CTC1: variants seen among roughly 807,000 people sequenced by gnomAD.
CTC1 encodes CST complex subunit CTC1.
Under a neutral mutation model 136.3 loss-of-function variants are expected in CTC1, and 91 were observed. The observed-to-expected ratio is 0.67, with a 90% CI of 0.56 to 0.79. CTC1 has a LOEUF of 0.79. Among genes scored for constraint, CTC1 ranks in the 30% least tolerant of loss-of-function variants. The probability of loss-of-function intolerance (pLI) is 0.00; values close to 1 mark genes in which losing one functional copy is unlikely to be tolerated. For synonymous variants in CTC1, 606 were observed against 613.8 expected (o/e 0.99, Z 0.19); for missense variants, 1,432 against 1,498.1 (o/e 0.96, Z 0.73).
chr17:8,246,713 C>A (rs989651890), intron 1 of CTC1, among the ~76,000 whole-genome samples: 1 of 151,738 alleles, frequency 6.6e-6, no homozygotes, highest in Non-Finnish European at 1.5e-5. Context: ...GGTGAAACAC[C>A]GTCTGTACTT....
At position 8,235,247 on chromosome 17, in the gene CTC1, C is replaced by A; in HGVS notation, c.1245G>T (p.Gly415=). The A allele has an allele frequency of 1.2e-6, 2 of 1,613,872 alleles. No homozygotes were observed. The highest frequency in any genetic ancestry group is 1.1e-5 in the South Asian group (1 of 91,086). ...AGGGGGCGAGCACTGGCCTTCTTGT[C>A]CCCCCTCCCACTGACTGGAGCAGGT... ...DVHLLQSVGG[G]TRRPVLAPCL... Residue 415 remains glycine, a synonymous_variant, in exon 8 of 23, where the codon GGG becomes GGT. Coordinates refer to ENST00000651323, the MANE Select transcript of CTC1 (RefSeq NM_025099.6).
chr17:8,246,147 C>T (rs1041743281), intron 1 of CTC1, among the ~76,000 whole-genome samples: 1 of 138,564 alleles, frequency 7.2e-6, no homozygotes, highest in Non-Finnish European at 1.5e-5. Context: ...GTTGAGGCTG[C>T]AGTGAGCCAT....
At position 8,229,327 on chromosome 17, in the gene CTC1, G is replaced by A. The variant is rs1987009040; in HGVS notation, c.3131C>T (p.Ala1044Val). The A allele has an allele frequency of 6.2e-7, 1 of 1,614,198 alleles. No homozygotes were observed. Among genetic ancestry groups the A allele is most frequent in the Admixed American group, 1.7e-5 (1 of 60,018 alleles). Residue 1044 changes from alanine (A) to valine (V), a missense_variant, in exon 19 of 23, where the codon GCT becomes GTT. By Grantham distance (64) the Ala-to-Val change is moderately conservative. Coordinates refer to ENST00000651323, the MANE Select transcript of CTC1 (RefSeq NM_025099.6). Reference protein sequence around the residue: ...VFSLQLFWVCAYCTSICRQGK... With the variant: ...VFSLQLFWVCVYCTSICRQGK... ...CTGCCGGCAGATGCTGGTACAATAA[G>A]CACACACCCAGAAGAGCTGAAGGCT...
chr17:8,242,601 C>T (rs1286698137), intron 2 of CTC1, among the ~76,000 whole-genome samples: 1 of 145,132 alleles, frequency 6.9e-6, no homozygotes, highest in Non-Finnish European at 1.5e-5. Context: ...TATAAACACA[C>T]TCTCGGAAGC....
chr17:8,243,432 T>C (rs1388279667), intron 1 of CTC1, among the ~76,000 whole-genome samples: 3 of 151,678 alleles, frequency 2.0e-5, no homozygotes, highest in Admixed American at 1.3e-4. Flanking sequence ...GGCAGGAGAA[T>C]TGCTTGAACC....
At position 8,243,119 on chromosome 17, in the gene CTC1, G is replaced by A; in HGVS notation, c.63C>T (p.Val21=). ...SEQAWLEDAQ[V]FIQKTLCPAV... ...CTGGACACAGGGTCTTTTGGATGAAGACCTGAGCATCCTCAAGCCAGGCTT... is the reference window on the plus strand; with the variant it reads ...CTGGACACAGGGTCTTTTGGATGAAAACCTGAGCATCCTCAAGCCAGGCTT... Residue 21 remains valine, a synonymous_variant, in exon 2 of 23, where the codon GTC becomes GTT. Coordinates refer to ENST00000651323, the MANE Select transcript of CTC1 (RefSeq NM_025099.6). 1 of 1,614,012 alleles carries A rather than the reference G, an allele frequency of 6.2e-7. No individual in the cohort carries two copies. The highest frequency in any genetic ancestry group is 8.5e-7 in the Non-Finnish European group (1 of 1,179,950).
intron 17 of CTC1, 47 bp from the exon 18 acceptor site, chr17:8,230,015 T>C (rs758410444): frequency 1.3e-6 from 2 of 1,571,766 alleles, no homozygotes; most frequent in Non-Finnish European, 8.8e-7. Flanking sequence ...ACAAGGCAAA[T>C]TGGGGTAGAA....
At chr17:8,238,677 A>G in intron 2 of CTC1, 48 bp from the exon 3 acceptor site, 1 of 1,391,366 alleles carries the variant, frequency 7.2e-7, no homozygotes. Context: ...GTCCAAGCCT[A>G]CTAAGGCAAC....
intron 15 of CTC1, 31 bp from the exon 16 acceptor site, chr17:8,230,682 G>A: frequency 6.3e-7 from 1 of 1,581,408 alleles, no homozygotes; most frequent in Non-Finnish European, 8.7e-7. Context: ...ACTGAGAATG[G>A]AGGCACAAGA....
chr17:8,242,039 T>TA (rs201683354), intron 2 of CTC1, among the ~76,000 whole-genome samples: 2,938 of 151,592 alleles, frequency 0.019, 103 homozygotes, highest in African/African-American at 0.067. Context: ...TTATTATTAT[T>TA]TTTTTTTAAA....
rs777656768 is a variant in CTC1, at chr17:8,248,031, C to G, written c.6G>C (p.Ala2=). Residue 2 remains alanine, a synonymous_variant, in exon 1 of 23, where the codon GCG becomes GCC. Coordinates refer to ENST00000651323, the MANE Select transcript of CTC1 (RefSeq NM_025099.6). ...AGGAAGGGACCTGGGCCCGGCCAGC[C>G]GCCATGATGCGCCGGAGCTCCGCCC... M[A]AGRAQVPSSE... is the part of the protein sequence containing the mutation. 1 of 1,607,000 alleles carries G rather than the reference C, an allele frequency of 6.2e-7. No individual in the cohort carries two copies. Among genetic ancestry groups the G allele is most frequent in the Non-Finnish European group, 8.5e-7 (1 of 1,176,628 alleles).
chr17:8,230,936 A>G, intron 15 of CTC1: 1 of 495,282 alleles, frequency 2.0e-6, no homozygotes, highest in Non-Finnish European at 3.6e-6. Context: ...CAAGAACTCA[A>G]GACCAGCCTG....
chr17:8,229,817 C>A (rs777597259), intron 18 of CTC1, 74 bp downstream of exon 18: 32 of 1,306,968 alleles, frequency 2.4e-5, no homozygotes, highest in Non-Finnish European at 3.5e-5. Flanking sequence ...ATGGCAAAAT[C>A]TTCAGAACCA....
chr17:8,232,533 A>AG lies in CTC1; in HGVS notation c.1946-59dup, dbSNP rs1987333828. The AG allele has an allele frequency of 3.5e-6, 5 of 1,421,892 alleles. No homozygotes were observed. The South Asian group carries it at 5.9e-5, about 17-fold the overall frequency. The allele number at this position is 1,421,892 out of a possible 1,614,324, so 88.1% of individuals were successfully genotyped here. ...AAGGAGACCTGTGGGGTGGGTTGCA[A>AG]GGCAAACCATCCTACCGGCCTCACT... On this transcript the variant is annotated intron_variant, in intron 11 of 22. Transcript: ENST00000651323.
chr17:8,237,044 T>TTG (rs1555534943), intron 5 of CTC1, among the ~76,000 whole-genome samples: 3 of 150,672 alleles, frequency 2.0e-5, no homozygotes, highest in African/African-American at 7.3e-5. Context: ...CCAAGTTTTT[T>TTG]TTTTTTTTTT....
Position 8,234,788 on chromosome 17 carries a change from A to T in CTC1, c.1578T>A (p.Asn526Lys), listed in dbSNP as rs764147383. ...PPGSPVRNAH[N>K]EILEEPHHCP... ...AGTGATGTGGCTCTTCAAGGATCTCATTGTGTGCATTCCGAACAGGGCTGC... is the reference window on the plus strand; with the variant it reads ...AGTGATGTGGCTCTTCAAGGATCTCTTTGTGTGCATTCCGAACAGGGCTGC... Residue 526 changes from asparagine (N) to lysine (K), a missense_variant, in exon 9 of 23, where the codon AAT (asparagine) becomes AAA (lysine). Asn to Lys is a moderately conservative substitution (Grantham distance 94, BLOSUM62 0). Coordinates refer to ENST00000651323, the MANE Select transcript of CTC1 (RefSeq NM_025099.6). 1 of 1,605,140 alleles carries T rather than the reference A, an allele frequency of 6.2e-7. No individual in the cohort carries two copies. Among genetic ancestry groups the T allele is most frequent in the East Asian group, 2.2e-5 (1 of 44,790 alleles).
chr17:8,235,567 A>G (rs1987644787), intron 7 of CTC1, among the ~76,000 whole-genome samples: 1 of 152,082 alleles, frequency 6.6e-6, no homozygotes, highest in Non-Finnish European at 1.5e-5. Context: ...CCAGCCCCAG[A>G]TCTGTGCTTC....
In CTC1 at chr17:8,234,930, G is replaced by A. The variant is rs774275708; in HGVS notation, c.1440-4C>T. ...TCTCAGCACATGGGGACACAGCCTT[G>A]GCCAGGAAAAGCAGCACAGTCACTT... On this transcript the variant is annotated splice_region_variant and splice_polypyrimidine_tract_variant and intron_variant, in intron 8 of 22. Coordinates refer to ENST00000651323, the MANE Select transcript of CTC1 (RefSeq NM_025099.6). 1.3e-6 allele frequency: 2 copies of A among 1,595,518 alleles called. No individual in the cohort carries two copies. Among genetic ancestry groups the A allele is most frequent in the Non-Finnish European group, 1.7e-6 (2 of 1,169,520 alleles).
intron 1 of CTC1, 134 bp from the exon 2 acceptor site, chr17:8,243,282 G>T: frequency 1.4e-6 from 1 of 724,910 alleles, no homozygotes; most frequent in Admixed American, 3.1e-5. Context: ...CACTTTGGGA[G>T]GCTGAGGCAG....
Sources: gnomAD v4.1 joint callset for allele counts (sites outside exome capture counted in the v4.1 genomes callset) on GRCh38, gnomAD v4.1.1 for gene constraint, MANE v1.5 for transcripts, NCBI Gene and HGNC (gene_info 2026-07-23, HGNC 2026-07-21) for gene names.